CAMKMT: variants seen among roughly 807,000 people sequenced by gnomAD.
CAMKMT encodes the protein calmodulin-lysine N-methyltransferase, also known as CaM KMT.
In CAMKMT, 53 loss-of-function variants were observed where a neutral mutation model predicts 48.0. That is an observed-to-expected ratio of 1.10 (90% CI 0.89 to 1.39). CAMKMT has a LOEUF of 1.39. Ranked by LOEUF, CAMKMT falls within the 40% of genes most tolerant of loss-of-function variation. The pLI is 0.00. For synonymous variants in CAMKMT, 165 were observed against 152.3 expected, an observed-to-expected ratio of 1.08 and a Z score of -0.61; for missense variants, 428 against 402.7, an observed-to-expected ratio of 1.06 and a Z score of -0.54.
Position 44,772,292 on chromosome 2 carries a change from C to G in CAMKMT, c.*179C>G. The G allele has an allele frequency of 1.8e-6, 1 of 549,680 alleles. No homozygotes were observed. Among genetic ancestry groups the G allele is most frequent in the Non-Finnish European group, 3.2e-6 (1 of 310,872 alleles). The allele number at this position is 549,680 out of a possible 1,614,324, so 34.1% of individuals were successfully genotyped here. On this transcript the variant is annotated 3_prime_UTR_variant, in exon 11 of 11. Coordinates refer to ENST00000378494, the MANE Select transcript of CAMKMT (RefSeq NM_024766.5). Reference sequence around the variant, plus strand: ...TTCCCCAGCTGCCCTCTCCAGCTCCCTCCCCGCCTCTTTTTACACTCTGCT... The same window carrying G: ...TTCCCCAGCTGCCCTCTCCAGCTCCGTCCCCGCCTCTTTTTACACTCTGCT...
intron 3 of CAMKMT, among the ~76,000 whole-genome samples, chr2:44,502,309 C>G (rs1670047843): frequency 1.3e-5 from 2 of 151,748 alleles, no homozygotes; most frequent in African/African-American, 4.8e-5. Flanking sequence ...CCCCTAAACC[C>G]TGCCCTGTGC....
At chr2:44,478,005 T>C (rs1354110854) in intron 3 of CAMKMT, among the ~76,000 whole-genome samples, 1 of 152,172 alleles carries the variant, frequency 6.6e-6, no homozygotes, top group Non-Finnish European at 1.5e-5. Context: ...TTTGTTTCAG[T>C]GGCCCTAAAA....
chr2:44,695,732 T>C (rs776951015), intron 3 of CAMKMT, among the ~76,000 whole-genome samples: 3 of 152,030 alleles, frequency 2.0e-5, no homozygotes, highest in Non-Finnish European at 2.9e-5. Flanking sequence ...GGAAGGCAAA[T>C]GCATTGACTT....
At chr2:44,642,549 A>T (rs1317038198) in intron 3 of CAMKMT, among the ~76,000 whole-genome samples, 1 of 152,228 alleles carries the variant, frequency 6.6e-6, no homozygotes, top group Non-Finnish European at 1.5e-5. Context: ...GTTGTCAGGA[A>T]GCATTCCTTC....
intron 7 of CAMKMT, among the ~76,000 whole-genome samples, chr2:44,715,582 T>G (rs143167396): frequency 1.3e-5 from 2 of 152,302 alleles, no homozygotes; most frequent in African/African-American, 2.4e-5. Flanking sequence ...AAGATAAGTA[T>G]ATTAAACACT....
intron 3 of CAMKMT, among the ~76,000 whole-genome samples, chr2:44,558,045 TCA>T (rs1558701554): frequency 0.011 from 291 of 26,964 alleles, 1 homozygote; most frequent in Non-Finnish European, 0.023. Context: ...ATTCATTCAT[TCA>T]TTCATTCATT....
chr2:44,606,810 C>T (rs898469691), intron 3 of CAMKMT, among the ~76,000 whole-genome samples: 1 of 139,892 alleles, frequency 7.1e-6, no homozygotes, highest in Admixed American at 7.1e-5. Context: ...TTAATGTGAC[C>T]CCCCCCCCAC....
chr2:44,427,972 G>A (rs527304565), intron 3 of CAMKMT, among the ~76,000 whole-genome samples: 313 of 152,300 alleles, frequency 2.1e-3, no homozygotes, highest in Non-Finnish European at 3.9e-3. Flanking sequence ...GCACTGGCAG[G>A]AACAAACCTG....
At chr2:44,546,015 A>C (rs1456792700) in intron 3 of CAMKMT, among the ~76,000 whole-genome samples, 2 of 152,146 alleles carry the variant, frequency 1.3e-5, no homozygotes, top group African/African-American at 4.8e-5. Context: ...AATAAACTGT[A>C]AGTAAATTTC....
At chr2:44,684,836 A>G (rs1335341896) in intron 3 of CAMKMT, among the ~76,000 whole-genome samples, 1 of 152,196 alleles carries the variant, frequency 6.6e-6, no homozygotes, top group African/African-American at 2.4e-5. Flanking sequence ...TAGATAAGAA[A>G]GTCAGTGAAA....
At chr2:44,518,505 A>G (rs1558671407) in intron 3 of CAMKMT, among the ~76,000 whole-genome samples, 1 of 152,252 alleles carries the variant, frequency 6.6e-6, no homozygotes, top group Non-Finnish European at 1.5e-5. Flanking sequence ...TCTACTGTAT[A>G]TTCTTACAGA....
intron 3 of CAMKMT, among the ~76,000 whole-genome samples, chr2:44,553,300 A>G (rs1482197871): frequency 6.6e-6 from 1 of 151,802 alleles, no homozygotes; most frequent in Non-Finnish European, 1.5e-5. Flanking sequence ...GTGACTTTTA[A>G]TCTCTGTTAT....
intron 3 of CAMKMT, among the ~76,000 whole-genome samples, chr2:44,576,997 A>T (rs1181412201): frequency 6.6e-6 from 1 of 152,244 alleles, no homozygotes; most frequent in Non-Finnish European, 1.5e-5. Flanking sequence ...CCATTTATCC[A>T]AAGAAGAAAT....
intron 3 of CAMKMT, among the ~76,000 whole-genome samples, chr2:44,570,946 C>G (rs1390675082): frequency 6.6e-6 from 1 of 152,076 alleles, no homozygotes; most frequent in Non-Finnish European, 1.5e-5. Context: ...TAGACAGGCA[C>G]TTATTGATAC....
chr2:44,595,283 C>T (rs1670582730), intron 3 of CAMKMT, among the ~76,000 whole-genome samples: 1 of 151,640 alleles, frequency 6.6e-6, no homozygotes, highest in African/African-American at 2.4e-5. Context: ...ACCATTTGAC[C>T]CAGCAATCCC....
chr2:44,738,854 G>A (rs536299010), intron 7 of CAMKMT, among the ~76,000 whole-genome samples: 1 of 152,326 alleles, frequency 6.6e-6, no homozygotes, highest in Non-Finnish European at 1.5e-5. Context: ...CCCTGAGAAG[G>A]TAAGACATAT....
intron 3 of CAMKMT, among the ~76,000 whole-genome samples, chr2:44,433,354 A>G (rs1349481061): frequency 2.0e-5 from 3 of 152,204 alleles, no homozygotes; most frequent in Non-Finnish European, 4.4e-5. Flanking sequence ...ATAGTAAGTA[A>G]TACATATCGT....
chr2:44,588,696 T>TG (rs1670066211), intron 3 of CAMKMT, among the ~76,000 whole-genome samples: 1 of 27,952 alleles, frequency 3.6e-5, no homozygotes, highest in African/African-American at 1.6e-4. Context: ...GGGAGGGAGG[T>TG]GGGGGGATCA....
At chr2:44,619,473 A>T (rs1387073161) in intron 3 of CAMKMT, among the ~76,000 whole-genome samples, 1 of 151,998 alleles carries the variant, frequency 6.6e-6, no homozygotes, top group Non-Finnish European at 1.5e-5. Context: ...GTATATATAT[A>T]TATATATGCA....
Sources: gnomAD v4.1 joint callset for allele counts (sites outside exome capture counted in the v4.1 genomes callset) on GRCh38, gnomAD v4.1.1 for gene constraint, MANE v1.5 for transcripts, NCBI Gene and HGNC (gene_info 2026-07-23, HGNC 2026-07-21) for gene names.